Variants in DDX54 observed in about 807,000 individuals in gnomAD.
DDX54 encodes the protein ATP-dependent RNA helicase DDX54.
A neutral mutation model predicts 105.5 loss-of-function variants in DDX54; 67 were observed. The observed-to-expected ratio is 0.64, with a 90% CI of 0.52 to 0.78. The LOEUF (loss-of-function observed/expected upper bound fraction) is 0.78. Ranked by LOEUF, DDX54 falls within the 30% of genes least tolerant of loss-of-function variation. The probability of loss-of-function intolerance (pLI) is 0.00; values close to 1 mark genes in which losing one functional copy is unlikely to be tolerated. For missense variants in DDX54, 1,206 were observed against 1,230.5 expected (o/e 0.98, Z 0.30); for synonymous variants, 514 against 509.9 (o/e 1.01, Z -0.11).
chr12:113,177,350 CTTCT>C (rs1952415995), intron 5 of DDX54: 1 of 447,226 alleles, frequency 2.2e-6, no homozygotes, highest in African/African-American at 2.0e-5. Flanking sequence ...CAATTCACTC[CTTCT>C]GTTGTTCCAG....
intron 5 of DDX54, among the ~76,000 whole-genome samples, chr12:113,177,987 A>G (rs544458742): frequency 1.4e-4 from 22 of 152,328 alleles, no homozygotes; most frequent in African/African-American, 4.6e-4. Flanking sequence ...CTGTAATCCC[A>G]ACACTTTGGG....
chr12:113,159,466 GC>G (rs1207811292), intron 19 of DDX54, among the ~76,000 whole-genome samples: 3 of 152,114 alleles, frequency 2.0e-5, no homozygotes, highest in African/African-American at 7.2e-5. Context: ...GAATTTCAAG[GC>G]CTGTCCCATA....
At chr12:113,169,962 A>G in intron 11 of DDX54, 58 bp from the exon 12 acceptor site, 1 of 1,599,772 alleles carries the variant, frequency 6.3e-7, no homozygotes, top group Non-Finnish European at 8.5e-7. Context: ...ACCCAGCATG[A>G]GTTCCACAGG....
chr12:113,169,630 A>G lies in DDX54; in HGVS notation c.1414+140T>C, dbSNP rs148070291. 9.6e-4 allele frequency: 1,132 copies of G among 1,176,894 alleles called. 17 individuals are homozygous for G. In the East Asian group the frequency reaches 0.028, roughly 29 times the overall value. 72.9% of individuals were successfully genotyped at this position (1,176,894 alleles called of 1,614,324 possible). On this transcript the variant is annotated intron_variant, in intron 12 of 19. Coordinates refer to ENST00000306014, the MANE Select transcript of DDX54 (RefSeq NM_024072.4). ...AGCGAGGCTCTGTCTCAAAAAATAA[A>G]CAAAACAAATAAAATACAATAAAAT...
intron 10 of DDX54, 100 bp downstream of exon 10, chr12:113,174,540 C>A (rs1952375776): frequency 8.0e-6 from 12 of 1,502,912 alleles, no homozygotes; most frequent in Non-Finnish European, 1.1e-5. Flanking sequence ...GGCCCAGGCT[C>A]CTGGTCCGCT....
Position 113,179,335 on chromosome 12 carries a change from G to T in DDX54, c.376-4C>A. Reference sequence around the variant, plus strand: ...CATCCAAGATCACCGGGATGGTCTGGAGAGGCACAAGCAGGGAAGTCAAGG... The same window carrying T: ...CATCCAAGATCACCGGGATGGTCTGTAGAGGCACAAGCAGGGAAGTCAAGG... On this transcript the variant is annotated splice_polypyrimidine_tract_variant and splice_region_variant and intron_variant, in intron 3 of 19. Transcript: ENST00000306014. 6.2e-7 allele frequency: 1 copy of T among 1,612,090 alleles called. No homozygotes were observed.
Position 113,179,318 on chromosome 12 carries a change from A to C in DDX54, c.389T>G (p.Ile130Ser). 1 of 1,613,342 alleles carries C rather than the reference A, an allele frequency of 6.2e-7. No individual in the cohort carries two copies. Among genetic ancestry groups the C allele is most frequent in the South Asian group, 1.1e-5 (1 of 91,074 alleles). ...TPIQRKTIPVILDGKDVVAMA... is the reference protein window; with the variant it reads ...TPIQRKTIPVSLDGKDVVAMA... ...GGCCACCACGTCCTTGCCATCCAAG[A>C]TCACCGGGATGGTCTGGAGAGGCAC... The change falls in exon 4 of 20, where the codon ATC (isoleucine) becomes AGC (serine). Residue 130 changes from isoleucine (I) to serine (S), a missense_variant. Ile to Ser is a moderately radical substitution (Grantham distance 142). Coordinates refer to ENST00000306014, the MANE Select transcript of DDX54 (RefSeq NM_024072.4).
Position 113,172,535 on chromosome 12 carries a change from G to T in DDX54, c.1097C>A (p.Ala366Asp), listed in dbSNP as rs866656278. 5.0e-6 allele frequency: 8 copies of T among 1,614,124 alleles called. No homozygotes were observed. Among genetic ancestry groups the T allele is most frequent in the Non-Finnish European group, 6.8e-6 (8 of 1,180,064 alleles). ...ELLTTQRVSC[A>D]HIYSALDPTA... ...CGGGTCTAGGGCACTGTAGATGTGG[G>T]CGCAGCTCACCCGCTGGGTCGTCAG... The change falls in exon 11 of 20, where the codon GCC (alanine) becomes GAC (aspartate). Residue 366 changes from alanine to aspartate, a missense_variant. By Grantham distance (126) the Ala-to-Asp change is moderately radical. This residue lies in a region of DDX54 where 961 missense variants were observed against 1,019.1 expected (regional missense o/e 0.94). Coordinates refer to ENST00000306014, the MANE Select transcript of DDX54 (RefSeq NM_024072.4).
intron 1 of DDX54, among the ~76,000 whole-genome samples, chr12:113,184,911 A>G (rs28365931): frequency 0.035 from 5,360 of 152,024 alleles, 176 homozygotes; most frequent in South Asian, 0.12. Flanking sequence ...CCTTAATTCA[A>G]CCTCCCAAGA....
rs200664351 is a variant in DDX54 at position 113,179,185 on chromosome 12, C to A, written c.522G>T (p.Pro174=). 1.2e-6 allele frequency: 2 copies of A among 1,614,018 alleles called. No homozygotes were observed. Among genetic ancestry groups the A allele is most frequent in the Non-Finnish European group, 8.5e-7 (1 of 1,179,982 alleles). ...QTGARALILS[P]TRELALQTLK... is the part of the protein sequence containing the mutation. The stretch of plus-strand genomic sequence containing the variant: ...GGGTCTGCAGGGCCAGCTCTCGGGT[C>A]GGCGAGAGGATGAGGGCGCGGGCCC... The change falls in exon 4 of 20, where the codon CCG becomes CCT. Residue 174 remains proline (P), a synonymous_variant. Transcript: ENST00000306014.
chr12:113,166,589 A>T (rs552259622), intron 12 of DDX54, among the ~76,000 whole-genome samples: 6 of 152,214 alleles, frequency 3.9e-5, no homozygotes, highest in African/African-American at 1.4e-4. Flanking sequence ...TAGTCTCTCA[A>T]CTACTCAGGG....
intron 1 of DDX54, among the ~76,000 whole-genome samples, chr12:113,184,096 G>A (rs1157665504): frequency 6.6e-6 from 1 of 152,060 alleles, no homozygotes; most frequent in Non-Finnish European, 1.5e-5. Context: ...ACAGGCACAT[G>A]CCACCACACC....
rs769156108 is a variant in DDX54 at position 113,163,194 on chromosome 12, G to A, written c.2019C>T (p.Ala673=). 6.2e-7 allele frequency: 1 copy of A among 1,612,592 alleles called. No homozygotes were observed. Residue 673 remains alanine, a synonymous_variant, in exon 16 of 20, where the codon GCC becomes GCT. Coordinates refer to ENST00000306014, the MANE Select transcript of DDX54 (RefSeq NM_024072.4). The surrounding 1 kb of genome is among the most constrained non-coding windows in gnomAD (Gnocchi z 5.9). Reference sequence around the variant, plus strand: ...TGTAGAATTCCTGGTCCCGCTGCCGGGCCTCCTCCCTCCGCCTCTTGGCTC... The same window carrying A: ...TGTAGAATTCCTGGTCCCGCTGCCGAGCCTCCTCCCTCCGCCTCTTGGCTC... ...NRGAKRRREE[A]RQRDQEFYIP... is the part of the protein sequence containing the mutation.
In DDX54 at chr12:113,174,673, C is replaced by T. The variant is rs1952378518; in HGVS notation, c.1035G>A (p.Val345=). The T allele has an allele frequency of 6.2e-7, 1 of 1,610,726 alleles. No individual in the cohort carries two copies. ...GGTACTCGGCGTGGTGCTTCGTGGC[C>T]ACAAACACCACGGTCTGGTCCTGGG... ...VRPQDQTVVF[V]ATKHHAEYLT... The change falls in exon 10 of 20, where the codon GTG becomes GTA. Residue 345 remains valine, a synonymous_variant. Coordinates refer to ENST00000306014, the MANE Select transcript of DDX54 (RefSeq NM_024072.4).
intron 8 of DDX54, 27 bp from the exon 9 acceptor site, chr12:113,174,963 G>A (rs1170860792): frequency 4.3e-6 from 7 of 1,612,078 alleles, no homozygotes; most frequent in South Asian, 1.1e-5. Context: ...GGAAAGTGGG[G>A]GAGTCGCAGA....
At chr12:113,174,482 G>A (rs1555253556) in intron 10 of DDX54, among the ~76,000 whole-genome samples, 158 bp downstream of exon 10, 1 of 152,132 alleles carries the variant, frequency 6.6e-6, no homozygotes, top group African/African-American at 2.4e-5. Context: ...GCGAGGCTCC[G>A]TCTCAAAAAA....
Position 113,163,156 on chromosome 12 carries a change from G to A in DDX54, c.2057C>T (p.Pro686Leu), listed in dbSNP as rs764083182. The change falls in exon 16 of 20, where the codon CCC becomes CTC. Residue 686 changes from proline (P) to leucine (L), a missense_variant. Coordinates refer to ENST00000306014, the MANE Select transcript of DDX54 (RefSeq NM_024072.4). This position sits in a 1 kb window ranked among gnomAD's most constrained non-coding sequence, Gnocchi z 5.9. Reference sequence around the variant, plus strand: ...CCCCCGCTCGCTGTCAAAGTCCTTGGGCCGGTAGGGGATGTAGAATTCCTG... The same window carrying A: ...CCCCCGCTCGCTGTCAAAGTCCTTGAGCCGGTAGGGGATGTAGAATTCCTG... Reference protein sequence around the residue: ...RDQEFYIPYRPKDFDSERGLS... With the variant: ...RDQEFYIPYRLKDFDSERGLS... The A allele has an allele frequency of 4.3e-6, 7 of 1,613,000 alleles. No homozygotes were observed. The highest frequency in any genetic ancestry group is 5.9e-6 in the Non-Finnish European group (7 of 1,179,998).
chr12:113,182,556 GTCT>G (rs544048578), intron 1 of DDX54, among the ~76,000 whole-genome samples: 175 of 151,978 alleles, frequency 1.2e-3, no homozygotes, highest in African/African-American at 3.5e-3. Context: ...ATGTCCTTCA[GTCT>G]TCTTCTTTTT....
Position 113,157,328 on chromosome 12 carries a change from T to C in DDX54, c.*1549A>G. ...AGAAAATAAAGCTGATTGATGTAAA[T>C]GAAAATACTAATTGGATAGTGCAGG... On this transcript the variant is annotated 3_prime_UTR_variant, in exon 20 of 20. Coordinates refer to ENST00000306014, the MANE Select transcript of DDX54 (RefSeq NM_024072.4). 2.1e-6 allele frequency: 1 copy of C among 481,520 alleles called. No homozygotes were observed. Among genetic ancestry groups the C allele is most frequent in the Non-Finnish European group, 3.7e-6 (1 of 269,614 alleles). 29.8% of individuals were successfully genotyped at this position (481,520 alleles called of 1,614,324 possible).
Sources: gnomAD v4.1 joint callset for allele counts (sites outside exome capture counted in the v4.1 genomes callset) on GRCh38, gnomAD v4.1.1 for gene constraint, gnomAD v4.1.1 regional missense constraint, Gnocchi (gnomAD v3.1) non-coding constraint, MANE v1.5 for transcripts, NCBI Gene and HGNC (gene_info 2026-07-23, HGNC 2026-07-21) for gene names.